ASTN2: variants seen among roughly 807,000 people sequenced by gnomAD.
The protein encoded by ASTN2 is astrotactin 2.
A neutral mutation model predicts 139.8 loss-of-function variants in ASTN2; 54 were observed. The ratio of observed to expected loss-of-function variants is 0.39; its 90% CI spans 0.31 to 0.48. The LOEUF (loss-of-function observed/expected upper bound fraction) is 0.48, where lower values mean the gene tolerates loss of function less well. Ranked by LOEUF, ASTN2 falls within the 20% of genes least tolerant of loss-of-function variation. The pLI is 0.95. For missense variants in ASTN2, 1,565 were observed against 1,725.1 expected, an observed-to-expected ratio of 0.91 and a Z score of 1.64; for synonymous variants, 756 against 719.5, an observed-to-expected ratio of 1.05 and a Z score of -0.81.
At chr9:117,355,478 G>T (rs1277778310) in intron 1 of ASTN2, among the ~76,000 whole-genome samples, 1 of 152,194 alleles carries the variant, frequency 6.6e-6, no homozygotes, top group Non-Finnish European at 1.5e-5. Flanking sequence ...GCAATGGAGT[G>T]CAGAGAGAGG....
intron 20 of ASTN2, among the ~76,000 whole-genome samples, chr9:116,468,491 G>C (rs1848718241): frequency 6.6e-6 from 1 of 152,132 alleles, no homozygotes. Flanking sequence ...AATTGTCTGT[G>C]GCTCATCTCT....
At chr9:116,656,682 CAAAAA>C (rs33989865) in intron 16 of ASTN2, among the ~76,000 whole-genome samples, 40 of 109,854 alleles carry the variant, frequency 3.6e-4, no homozygotes, top group African/African-American at 3.5e-4. Context: ...TTGTTGCCAC[CAAAAA>C]AAAAAAAAAA....
At chr9:117,187,985 C>T (rs1340498987) in intron 3 of ASTN2, among the ~76,000 whole-genome samples, 1 of 152,024 alleles carries the variant, frequency 6.6e-6, no homozygotes, top group East Asian at 1.9e-4. Context: ...GGTTTCTCAG[C>T]CTTGATTTGA....
At chr9:117,305,715 TA>T (rs1834982047) in intron 1 of ASTN2, among the ~76,000 whole-genome samples, 1 of 152,154 alleles carries the variant, frequency 6.6e-6, no homozygotes, top group Admixed American at 6.5e-5. Flanking sequence ...CTAAAAATAA[TA>T]AAAAGGCTAA....
In ASTN2 at chr9:116,791,005, A is replaced by G. The variant is rs1830531585; in HGVS notation, c.2396+14627T>C. Among the ~76,000 whole-genome samples, 3 of 124,868 alleles carry G rather than the reference A, an allele frequency of 2.4e-5. No homozygotes were observed. In the South Asian group the frequency reaches 8.8e-4, roughly 37 times the overall value. The allele number at this position is 124,868 out of a possible 152,430, so 81.9% of individuals were successfully genotyped here. On this transcript the variant is annotated intron_variant, in intron 13 of 22. Coordinates refer to ENST00000313400, the MANE Select transcript of ASTN2 (RefSeq NM_001365068.1). ...AAAGAAAGAAAGAAAGAAAGAAAGA[A>G]AGAAAGAAAGAAAGAAAGAAAGAAA...
At chr9:116,871,037 T>A (rs1564315212) in intron 10 of ASTN2, among the ~76,000 whole-genome samples, 1 of 152,044 alleles carries the variant, frequency 6.6e-6, no homozygotes, top group Admixed American at 6.6e-5. Context: ...GACAGACAGA[T>A]CTTGAGGCCA....
chr9:116,957,151 G>A (rs1040436288), intron 10 of ASTN2, among the ~76,000 whole-genome samples: 1 of 151,048 alleles, frequency 6.6e-6, no homozygotes, highest in South Asian at 2.1e-4. Context: ...TGCAGTACTC[G>A]CATGTCCCAA....
At chr9:116,950,183 G>A (rs1188908011) in intron 10 of ASTN2, among the ~76,000 whole-genome samples, 1 of 152,126 alleles carries the variant, frequency 6.6e-6, no homozygotes, top group East Asian at 1.9e-4. Context: ...GTGCCTTGTA[G>A]GATGTTTAGC....
At chr9:116,832,986 T>G (rs1564292283) in intron 11 of ASTN2, among the ~76,000 whole-genome samples, 1 of 147,542 alleles carries the variant, frequency 6.8e-6, no homozygotes, top group African/African-American at 2.5e-5. Flanking sequence ...CGTTTATTCT[T>G]CTTTAAACAT....
intron 16 of ASTN2, chr9:116,686,635 C>G: frequency 6.7e-7 from 1 of 1,488,788 alleles, no homozygotes; most frequent in Non-Finnish European, 9.2e-7. Flanking sequence ...TCACCTCCCA[C>G]CTGGTAAGAT....
intron 5 of ASTN2, among the ~76,000 whole-genome samples, chr9:117,051,990 G>A (rs909674510): frequency 6.6e-6 from 1 of 152,288 alleles, no homozygotes; most frequent in Admixed American, 6.5e-5. Context: ...ATAAGCTGGT[G>A]CACAGTAGAT....
At chr9:117,330,306 A>G (rs1828661801) in intron 1 of ASTN2, among the ~76,000 whole-genome samples, 1 of 152,182 alleles carries the variant, frequency 6.6e-6, no homozygotes, top group African/African-American at 2.4e-5. Flanking sequence ...AACTGACACA[A>G]CTAGACACAG....
intron 10 of ASTN2, among the ~76,000 whole-genome samples, chr9:116,900,694 G>T (rs994326065): frequency 2.0e-5 from 3 of 152,118 alleles, no homozygotes; most frequent in Admixed American, 6.6e-5. Context: ...CTGCAGGAAG[G>T]ATGAAGAGGA....
At chr9:117,108,419 A>G (rs1217891763) in intron 4 of ASTN2, among the ~76,000 whole-genome samples, 4 of 141,688 alleles carry the variant, frequency 2.8e-5, no homozygotes, top group Non-Finnish European at 6.1e-5. Context: ...GCCCTTTGGA[A>G]AAAAACAAAA....
At chr9:116,774,693 GAAT>G (rs1830036411) in intron 13 of ASTN2, among the ~76,000 whole-genome samples, 1 of 152,104 alleles carries the variant, frequency 6.6e-6, no homozygotes, top group Non-Finnish European at 1.5e-5. Flanking sequence ...CTAGGAACAG[GAAT>G]AATAATCCAG....
intron 12 of ASTN2, among the ~76,000 whole-genome samples, chr9:116,810,488 T>G (rs1225986029): frequency 6.6e-6 from 1 of 152,212 alleles, no homozygotes; most frequent in Non-Finnish European, 1.5e-5. Flanking sequence ...AAAATTCTAC[T>G]GTTGCAATCT....
At chr9:117,254,415 A>G (rs1176943094) in intron 2 of ASTN2, among the ~76,000 whole-genome samples, 1 of 152,182 alleles carries the variant, frequency 6.6e-6, no homozygotes, top group Non-Finnish European at 1.5e-5. Flanking sequence ...AAAGACTACT[A>G]CAACCCAACC....
chr9:116,499,989 T>C lies in ASTN2; in HGVS notation c.3356-12489A>G, dbSNP rs10983198. On this transcript the variant is annotated intron_variant, in intron 19 of 22. Coordinates refer to ENST00000313400, the MANE Select transcript of ASTN2 (RefSeq NM_001365068.1). ...TTGCAACCCACCTAACTCCTGTTTA[T>C]TTTCCTCTATATTTCTCTATCACTT... 0.019 allele frequency among the ~76,000 whole-genome samples: 2,831 copies of C among 152,158 alleles called. 381 individuals carry two copies. In the South Asian group the frequency reaches 0.27, roughly 15 times the overall value.
intron 1 of ASTN2, among the ~76,000 whole-genome samples, chr9:117,409,276 A>T (rs570928345): frequency 6.6e-6 from 1 of 152,192 alleles, no homozygotes; most frequent in East Asian, 1.9e-4. Context: ...ATTTATAAGG[A>T]TTTTTTCCTC....
Sources: gnomAD v4.1 joint callset for allele counts (sites outside exome capture counted in the v4.1 genomes callset) on GRCh38, gnomAD v4.1.1 for gene constraint, MANE v1.5 for transcripts, NCBI Gene and HGNC (gene_info 2026-07-23, HGNC 2026-07-21) for gene names.